Variants in MAML3 observed in about 807,000 individuals in gnomAD.
MAML3 encodes mastermind-like protein 3.
Under a neutral mutation model 101.9 loss-of-function variants are expected in MAML3, and 27 were observed. The observed-to-expected ratio is 0.27, with a 90% CI of 0.20 to 0.37. The LOEUF (loss-of-function observed/expected upper bound fraction) is 0.37. Among genes scored for constraint, MAML3 ranks in the 10% least tolerant of loss-of-function variants. MAML3 has a pLI of 1.00. For synonymous variants in MAML3, 501 were observed against 555.9 expected, an observed-to-expected ratio of 0.90 and a Z score of 1.39; for missense variants, 1,316 against 1,444.9, an observed-to-expected ratio of 0.91 and a Z score of 1.45.
At chr4:140,097,446 G>A (rs1305543451) in intron 1 of MAML3, among the ~76,000 whole-genome samples, 2 of 152,048 alleles carry the variant, frequency 1.3e-5, no homozygotes, top group African/African-American at 4.8e-5. Flanking sequence ...TTCCGTAGTG[G>A]GTCAGCAAGT....
intron 2 of MAML3, among the ~76,000 whole-genome samples, chr4:139,763,736 C>A (rs1338816354): frequency 1.3e-5 from 2 of 152,136 alleles, no homozygotes; most frequent in Non-Finnish European, 2.9e-5. Context: ...TATCTGGAGT[C>A]ACAGCTAAAG....
chr4:139,976,366 G>A (rs924548143), intron 1 of MAML3, among the ~76,000 whole-genome samples: 1 of 152,148 alleles, frequency 6.6e-6, no homozygotes, highest in Non-Finnish European at 1.5e-5. Context: ...CTTGGAAATG[G>A]AAAAAGCAAG....
chr4:140,086,968 T>C (rs572579008), intron 1 of MAML3, among the ~76,000 whole-genome samples: 3 of 152,152 alleles, frequency 2.0e-5, no homozygotes, highest in South Asian at 4.1e-4. Flanking sequence ...GAGACCGGCA[T>C]GGCCAACATG....
At chr4:139,885,889 C>T (rs1253771449) in intron 2 of MAML3, among the ~76,000 whole-genome samples, 7 of 122,226 alleles carry the variant, frequency 5.7e-5, no homozygotes, top group Admixed American at 2.0e-4. Flanking sequence ...GCAGAGATCG[C>T]GCCACTGCAC....
At chr4:139,796,699 A>T (rs1730515179) in intron 2 of MAML3, among the ~76,000 whole-genome samples, 1 of 152,236 alleles carries the variant, frequency 6.6e-6, no homozygotes, top group Non-Finnish European at 1.5e-5. Flanking sequence ...CTAATATGAT[A>T]TAATGAACCA....
chr4:140,015,746 GA>G (rs1726631773), intron 1 of MAML3, among the ~76,000 whole-genome samples: 1 of 152,210 alleles, frequency 6.6e-6, no homozygotes, highest in Non-Finnish European at 1.5e-5. Flanking sequence ...TCGGGGTTAG[GA>G]GTTCGAGACC....
At chr4:139,941,977 T>TA (rs1298267135) in intron 1 of MAML3, among the ~76,000 whole-genome samples, 2 of 151,812 alleles carry the variant, frequency 1.3e-5, no homozygotes, top group African/African-American at 4.8e-5. Flanking sequence ...CTACTAAAAA[T>TA]AAAAAACATT....
chr4:140,072,805 A>G (rs1026715718), intron 1 of MAML3, among the ~76,000 whole-genome samples: 1 of 152,196 alleles, frequency 6.6e-6, no homozygotes, highest in African/African-American at 2.4e-5. Context: ...CCCCATGGAC[A>G]CCAAGGGACA....
Position 140,035,269 on chromosome 4 carries a change from C to T in MAML3, c.468+117591G>A, listed in dbSNP as rs992900003. ...GATTAGAAGTATGAGCCACCACGCC[C>T]GGCCAAGCCAAGGAAATTCTAAGGT... On this transcript the variant is annotated intron_variant, in intron 1 of 4. Coordinates refer to ENST00000509479, the MANE Select transcript of MAML3 (RefSeq NM_018717.5). 4.6e-5 allele frequency among the ~76,000 whole-genome samples: 7 copies of T among 152,080 alleles called. No individual in the cohort carries two copies. The East Asian group carries it at 5.8e-4, about 13-fold the overall frequency.
intron 2 of MAML3, among the ~76,000 whole-genome samples, chr4:139,794,790 G>T (rs1255626899): frequency 6.6e-6 from 1 of 152,212 alleles, no homozygotes; most frequent in African/African-American, 2.4e-5. Flanking sequence ...AGATGACACT[G>T]CCAACAGTCT....
intron 2 of MAML3, among the ~76,000 whole-genome samples, chr4:139,788,663 A>C (rs1730348640): frequency 6.6e-6 from 1 of 152,260 alleles, no homozygotes; most frequent in South Asian, 2.1e-4. Flanking sequence ...GGGATGGCCA[A>C]GAAACTAAGT....
intron 1 of MAML3, chr4:140,133,003 T>A: frequency 2.5e-6 from 1 of 399,548 alleles, no homozygotes; most frequent in Non-Finnish European, 5.0e-6. Flanking sequence ...ATAAGTACTA[T>A]CAAAAATATG....
intron 1 of MAML3, among the ~76,000 whole-genome samples, chr4:140,070,453 T>C (rs999680238): frequency 2.6e-5 from 4 of 152,184 alleles, no homozygotes; most frequent in African/African-American, 9.6e-5. Flanking sequence ...CTGATGAAGA[T>C]ATTCAGAATA....
At chr4:139,810,185 A>ATTTT (rs757041549) in intron 2 of MAML3, among the ~76,000 whole-genome samples, 44 of 114,592 alleles carry the variant, frequency 3.8e-4, no homozygotes, top group Non-Finnish European at 4.9e-4. Context: ...ACCAAAATTG[A>ATTTT]TTTTTTTTTT....
intron 1 of MAML3, among the ~76,000 whole-genome samples, chr4:140,150,852 C>G (rs527332331): frequency 1.3e-5 from 2 of 152,316 alleles, no homozygotes; most frequent in East Asian, 3.9e-4. Context: ...ATCAGAAAAA[C>G]TACAGTGTGT....
At chr4:140,030,226 C>T (rs1447467153) in intron 1 of MAML3, among the ~76,000 whole-genome samples, 1 of 152,100 alleles carries the variant, frequency 6.6e-6, no homozygotes, top group Non-Finnish European at 1.5e-5. Flanking sequence ...TTTAAATGTC[C>T]CACCGATCAC....
chr4:140,120,673 A>G (rs765434819), intron 1 of MAML3, among the ~76,000 whole-genome samples: 1 of 152,220 alleles, frequency 6.6e-6, no homozygotes, highest in Non-Finnish European at 1.5e-5. Flanking sequence ...AAGATCGAAT[A>G]GTTTCTCCTT....
chr4:140,142,343 T>G (rs1019245021), intron 1 of MAML3, among the ~76,000 whole-genome samples: 3 of 152,182 alleles, frequency 2.0e-5, no homozygotes, highest in African/African-American at 7.2e-5. Flanking sequence ...GGGGAGGAAT[T>G]AAGTCACTTC....
chr4:140,110,502 C>T (rs189255423), intron 1 of MAML3, among the ~76,000 whole-genome samples: 1 of 152,320 alleles, frequency 6.6e-6, no homozygotes, highest in Admixed American at 6.5e-5. Context: ...CTGCATATTC[C>T]TGGTGGTGGG....
Sources: allele counts gnomAD v4.1 joint callset (sites outside exome capture counted in the v4.1 genomes callset), GRCh38; gene constraint gnomAD v4.1.1; transcripts MANE v1.5; gene names NCBI Gene and HGNC (gene_info 2026-07-23, HGNC 2026-07-21).